Variants in ZC3H12B observed in about 807,000 individuals in gnomAD.
The protein encoded by ZC3H12B is zinc finger CCCH-type containing 12B.
A neutral mutation model predicts 43.9 loss-of-function variants in ZC3H12B; 7 were observed. The ratio of observed to expected loss-of-function variants is 0.16; its 90% confidence interval spans 0.09 to 0.30. The LOEUF (loss-of-function observed/expected upper bound fraction) is 0.30. ZC3H12B is among the 10% of genes least tolerant of loss of function. ZC3H12B has a pLI of 1.00. For synonymous variants in ZC3H12B, 222 were observed against 241.7 expected (o/e 0.92, Z 0.76); for missense variants, 475 against 670.2 (o/e 0.71, Z 3.22).
At chrX:65,067,507 T>C in the ZC3H12B span, among the ~76,000 whole-genome samples, 3 of 110,353 alleles carry the variant, frequency 2.7e-5, no homozygotes, top group Non-Finnish European at 5.7e-5. Flanking sequence ...ATGAACCGTG[T>C]ACCTCAGTTG....
At chrX:65,070,045 A>G in the ZC3H12B span, among the ~76,000 whole-genome samples, 2 of 104,994 alleles carry the variant, frequency 1.9e-5, no homozygotes, top group African/African-American at 7.0e-5. Flanking sequence ...TTTTTTGTAC[A>G]TCTCATAGAA....
upstream of ZC3H12B, chrX:65,488,669 C>A: frequency 4.9e-6 from 4 of 812,932 alleles, no homozygotes; most frequent in South Asian, 1.2e-4. Flanking sequence ...CTGAACATAC[C>A]AAACCACACA....
chrX:65,197,756 G>T, the ZC3H12B span, among the ~76,000 whole-genome samples: 1 of 112,342 alleles, frequency 8.9e-6, no homozygotes, highest in East Asian at 2.8e-4. Context: ...CCGCAGTCTG[G>T]TGGAGACCAC....
At position 65,447,073 on chromosome X, in the gene ZC3H12B, T is replaced by A. The variant is rs762779690; in HGVS notation, n.408-41573T>A. 5.4e-5 allele frequency among the ~76,000 whole-genome samples: 6 copies of A among 111,926 alleles called. No homozygotes were observed. In the East Asian group the frequency reaches 1.4e-3, roughly 26 times the overall value. On this transcript the variant is annotated intron_variant and non_coding_transcript_variant, in intron 3 of 5. Coordinates refer to the ZC3H12B transcript ENST00000617377. ...GTTCTTCAGAACCAATTCTTCAGATTTGGGCTGTTTCAGCAATCATTTCTT... is the reference window on the plus strand; with the variant it reads ...GTTCTTCAGAACCAATTCTTCAGATATGGGCTGTTTCAGCAATCATTTCTT...
At chrX:65,239,703 G>T in the ZC3H12B span, among the ~76,000 whole-genome samples, 1 of 112,141 alleles carries the variant, frequency 8.9e-6, no homozygotes, top group Non-Finnish European at 1.9e-5. Context: ...TGTTTTTGTG[G>T]TGGTTGATAG....
the ZC3H12B span, among the ~76,000 whole-genome samples, chrX:65,095,156 T>A: frequency 8.9e-6 from 1 of 112,015 alleles, no homozygotes; most frequent in South Asian, 3.7e-4. Flanking sequence ...TCAATGGTGA[T>A]GTTAAGTCAA....
At chrX:65,212,729 A>G in the ZC3H12B span, among the ~76,000 whole-genome samples, 3 of 93,333 alleles carry the variant, frequency 3.2e-5, no homozygotes, top group Non-Finnish European at 6.2e-5. Context: ...TATATCATAT[A>G]TAAATATATA....
chrX:65,306,242 A>G, the ZC3H12B span, among the ~76,000 whole-genome samples: 1 of 112,495 alleles, frequency 8.9e-6, no homozygotes, highest in African/African-American at 3.2e-5. Flanking sequence ...TAGGTTATGG[A>G]ACAACTAGAG....
chrX:65,502,796 C>T (rs747983053), exon 5 of ZC3H12B: 6 of 1,208,190 alleles, frequency 5.0e-6, no homozygotes, highest in Admixed American at 2.2e-5. Context: ...GGTGATGACT[C>T]GGATGGATAG....
At chrX:65,215,869 G>T in the ZC3H12B span, among the ~76,000 whole-genome samples, 7 of 111,411 alleles carry the variant, frequency 6.3e-5, no homozygotes, top group African/African-American at 2.3e-4. Context: ...GGCTGTTATA[G>T]GGTTATCAAT....
the ZC3H12B span, among the ~76,000 whole-genome samples, chrX:65,297,077 G>T: frequency 2.7e-4 from 30 of 111,389 alleles, no homozygotes; most frequent in South Asian, 7.6e-4. Flanking sequence ...CATTCCACCT[G>T]AGAACTGGAA....
At chrX:65,228,104 C>G in the ZC3H12B span, among the ~76,000 whole-genome samples, 77 of 111,846 alleles carry the variant, frequency 6.9e-4, no homozygotes, top group Non-Finnish European at 1.2e-3. Context: ...TGACCAATAT[C>G]CTTGATGAAC....
chrX:65,483,675 T>C (rs184834060), intron 3 of ZC3H12B, among the ~76,000 whole-genome samples: 1 of 112,277 alleles, frequency 8.9e-6, no homozygotes, highest in African/African-American at 3.2e-5. Context: ...GTAATGCAAA[T>C]GTAAATGATT....
chrX:65,219,067 G>A, the ZC3H12B span, among the ~76,000 whole-genome samples: 2 of 111,525 alleles, frequency 1.8e-5, no homozygotes. Flanking sequence ...ATCCAGAAGA[G>A]AAATAGCAGT....
At chrX:65,384,101 A>G (rs1223614461) in intron 2 of ZC3H12B, among the ~76,000 whole-genome samples, 1 of 102,724 alleles carries the variant, frequency 9.7e-6, no homozygotes, top group Non-Finnish European at 2.0e-5. Flanking sequence ...TCACAATAGC[A>G]AAGACTTGGA....
chrX:65,234,504 A>G, the ZC3H12B span, among the ~76,000 whole-genome samples: 1 of 112,197 alleles, frequency 8.9e-6, no homozygotes, highest in African/African-American at 3.2e-5. Context: ...TGAAAGTCCT[A>G]GCCACAGCAG....
At chrX:65,416,580 G>A (rs1342754771) in intron 3 of ZC3H12B, among the ~76,000 whole-genome samples, 1 of 106,580 alleles carries the variant, frequency 9.4e-6, no homozygotes, top group East Asian at 2.9e-4. Context: ...AGGAGATCGA[G>A]ACCATCCTAG....
the ZC3H12B span, among the ~76,000 whole-genome samples, chrX:65,108,764 C>T: frequency 1.2e-3 from 132 of 111,594 alleles, no homozygotes; most frequent in African/African-American, 4.1e-3. Context: ...TATATAATTG[C>T]ATATGCTCTA....
At chrX:65,211,084 GAAAGAAAAAAAAA>G in the ZC3H12B span, among the ~76,000 whole-genome samples, 1 of 48,983 alleles carries the variant, frequency 2.0e-5, no homozygotes, top group African/African-American at 2.4e-4. Flanking sequence ...AAAAAAAAAA[GAAAGAAAAAAAAA>G]AAAAAAAGAA....
Sources: gnomAD v4.1 joint callset for allele counts (sites outside exome capture counted in the v4.1 genomes callset) on GRCh38, gnomAD v4.1.1 for gene constraint, MANE v1.5 for transcripts, NCBI Gene and HGNC (gene_info 2026-07-23, HGNC 2026-07-21) for gene names.